Variants in ZNF709 observed in about 807,000 individuals in gnomAD.
ZNF709 encodes the protein zinc finger protein 709.
ZNF709 carries 15 observed loss-of-function variants against 10.6 expected under a neutral mutation model. The ratio of observed to expected loss-of-function variants is 1.41; its 90% CI spans 0.95 to 2.18. ZNF709 has a LOEUF of 2.18. Among genes scored for constraint, ZNF709 ranks in the 30% most tolerant of loss-of-function variants. The pLI, the probability that ZNF709 is intolerant of heterozygous loss-of-function variation, is 0.00. For missense variants in ZNF709, 589 were observed against 774.0 expected (o/e 0.76, Z 2.84); for synonymous variants, 194 against 238.8 (o/e 0.81, Z 1.73).
intron 1 of ZNF709, among the ~76,000 whole-genome samples, chr19:12,473,918 T>C (rs1970655907): frequency 6.6e-6 from 1 of 152,158 alleles, no homozygotes; most frequent in Admixed American, 6.5e-5. Context: ...TGGTGGCATT[T>C]GCCTGTAGTC....
rs1195674531 is a variant in ZNF709 at position 12,481,256 on chromosome 19, A to G, written c.3+3399T>C. ...TTTCTTTTTTTTTGTTTTGAGATGGAGTCCTGCTCTGTTGCCCAGGCTGGA... is the reference window on the plus strand; with the variant it reads ...TTTCTTTTTTTTTGTTTTGAGATGGGGTCCTGCTCTGTTGCCCAGGCTGGA... On this transcript the variant is annotated intron_variant, in intron 1 of 3. Coordinates refer to ENST00000397732, the MANE Select transcript of ZNF709 (RefSeq NM_152601.4). 4 of 865,862 alleles carry G rather than the reference A, an allele frequency of 4.6e-6. No homozygotes were observed. The African/African-American group carries it at 5.5e-5, about 12-fold the overall frequency. The allele number at this position is 865,862 out of a possible 1,614,324, so 53.6% of individuals were successfully genotyped here.
intron 1 of ZNF709, among the ~76,000 whole-genome samples, chr19:12,471,533 G>C (rs1446722612): frequency 1.3e-5 from 2 of 152,178 alleles, no homozygotes; most frequent in Non-Finnish European, 1.5e-5. Context: ...CTTTTGAAGA[G>C]CAACATAAAT....
intron 1 of ZNF709, among the ~76,000 whole-genome samples, chr19:12,480,156 T>TA (rs74312590): frequency 0.03 from 4,384 of 147,808 alleles, 100 homozygotes; most frequent in Non-Finnish European, 0.045. Context: ...CCCTGTTTTT[T>TA]AAAAAAAAAA....
intron 1 of ZNF709, among the ~76,000 whole-genome samples, chr19:12,470,178 T>C (rs1397392380): frequency 6.6e-6 from 1 of 152,150 alleles, no homozygotes; most frequent in Non-Finnish European, 1.5e-5. Context: ...CACCAAAGCA[T>C]AGGAATCCCT....
intron 1 of ZNF709, among the ~76,000 whole-genome samples, chr19:12,479,207 G>T (rs751145595): frequency 6.6e-6 from 1 of 152,108 alleles, no homozygotes; most frequent in Non-Finnish European, 1.5e-5. Context: ...AGAGGCTGAG[G>T]TGGGAAGATC....
chr19:12,470,890 G>GC (rs1970629311), intron 1 of ZNF709, among the ~76,000 whole-genome samples: 1 of 148,972 alleles, frequency 6.7e-6, no homozygotes, highest in Non-Finnish European at 1.5e-5. Context: ...TCATGCCACT[G>GC]CACTCCAGCC....
At position 12,465,338 on chromosome 19, in the gene ZNF709, G is replaced by A; in HGVS notation, c.584C>T (p.Pro195Leu). 6.2e-7 allele frequency: 1 copy of A among 1,613,090 alleles called. No homozygotes were observed. Among genetic ancestry groups the A allele is most frequent in the East Asian group, 2.2e-5 (1 of 44,872 alleles). The change falls in exon 4 of 4, where the codon CCT becomes CTT. Residue 195 changes from proline (P) to leucine (L), a missense_variant. Around this residue, in one of 2 missense-constraint regions of ZNF709, gnomAD observed 418 missense variants for 496.3 expected, o/e 0.84. Coordinates refer to ENST00000397732, the MANE Select transcript of ZNF709 (RefSeq NM_152601.4). ...IHERTHTGEKPYECKECGKAF... is the reference protein window; with the variant it reads ...IHERTHTGEKLYECKECGKAF... ...CTTCCCACATTCCTTACATTCATAA[G>A]GTTTCTCTCCAGTATGAGTTCTTTC...
chr19:12,463,706 C>T lies in ZNF709; in HGVS notation c.*290G>A, dbSNP rs193141246. 224 of 223,102 alleles carry T rather than the reference C, an allele frequency of 1.0e-3. No individual in the cohort carries two copies. Among genetic ancestry groups the T allele is most frequent in the African/African-American group, 4.7e-3 (207 of 44,350 alleles). 13.8% of individuals were successfully genotyped at this position (223,102 alleles called of 1,614,324 possible). A position where few individuals can be genotyped will look rare whatever the true frequency, so the allele number is the denominator to read the frequency against. ...CTTTGGGAGGCCAAGGCAGGTGGATCGTCTGAGGTCAGGAGTTCGAGACCA... is the reference window on the plus strand; with the variant it reads ...CTTTGGGAGGCCAAGGCAGGTGGATTGTCTGAGGTCAGGAGTTCGAGACCA... On this transcript the variant is annotated 3_prime_UTR_variant, in exon 4 of 4. Transcript: ENST00000397732.
At chr19:12,471,406 TAG>T (rs543200770) in intron 1 of ZNF709, among the ~76,000 whole-genome samples, 15 of 152,258 alleles carry the variant, frequency 9.9e-5, no homozygotes, top group East Asian at 1.9e-4. Context: ...ATCCCTAAAA[TAG>T]ACTTATAAAA....
intron 1 of ZNF709, among the ~76,000 whole-genome samples, chr19:12,470,036 A>C (rs982069198): frequency 6.6e-6 from 1 of 152,180 alleles, no homozygotes; most frequent in Admixed American, 6.5e-5. Flanking sequence ...CTGTCCTCCA[A>C]AAGGATATGA....
intron 1 of ZNF709, among the ~76,000 whole-genome samples, chr19:12,475,721 G>GGAGGA (rs1181885285): frequency 2.0e-5 from 3 of 152,126 alleles, no homozygotes; most frequent in Admixed American, 6.5e-5. Flanking sequence ...AGAGGAGAGG[G>GGAGGA]GAGGAGAGGA....
chr19:12,481,541 G>A (rs1970727086), intron 1 of ZNF709, among the ~76,000 whole-genome samples: 1 of 152,030 alleles, frequency 6.6e-6, no homozygotes, highest in Non-Finnish European at 1.5e-5. Flanking sequence ...CACCCGGCCT[G>A]GTTTCAGAAT....
At position 12,465,490 on chromosome 19, in the gene ZNF709, T is replaced by C. The variant is rs1478744548; in HGVS notation, c.432A>G (p.Glu144=). The change falls in exon 4 of 4, where the codon GAA becomes GAG. Residue 144 remains glutamate, a synonymous_variant. Transcript: ENST00000397732. The stretch of plus-strand genomic sequence containing the variant: ...TTCGAAAGCTGAATCTTTTCCCACA[T>C]TCCTTACATTCATATGATTTCTCTC... ...KYGEKSYECK[E]CGKRFSFRSS... 1.9e-6 allele frequency: 3 copies of C among 1,609,582 alleles called. No individual in the cohort carries two copies. In the Admixed American group the frequency reaches 5.1e-5, roughly 27 times the overall value.
chr19:12,465,835 TA>T, intron 3 of ZNF709, 102 bp from the exon 4 acceptor site: 1 of 985,146 alleles, frequency 1.0e-6, no homozygotes, highest in Non-Finnish European at 1.4e-6. Context: ...GTAGTAGAAT[TA>T]CACTTTTGCC....
intron 1 of ZNF709, among the ~76,000 whole-genome samples, chr19:12,482,460 G>A (rs997998087): frequency 6.6e-6 from 1 of 152,080 alleles, no homozygotes; most frequent in Admixed American, 6.6e-5. Flanking sequence ...CCCTTCAATT[G>A]TTGTAAGTGA....
At chr19:12,466,872 G>C in intron 1 of ZNF709, 22 bp from the exon 2 acceptor site, 2 of 1,606,256 alleles carry the variant, frequency 1.2e-6, no homozygotes, top group East Asian at 2.2e-5. Flanking sequence ...CACATGTATA[G>C]GGGAGGATGG....
chr19:12,465,403 A>G lies in ZNF709; in HGVS notation c.519T>C (p.Cys173=). The G allele has an allele frequency of 6.2e-7, 1 of 1,613,802 alleles. No individual in the cohort carries two copies. ...AACTGGGCCAACTGAAAGCCTTACC[A>G]CACTGTTTACATTTATAGGGTTTCT... is the stretch of plus-strand genomic sequence containing the variant. ...TGEKPYKCKQ[C]GKAFSWPSSF... The change falls in exon 4 of 4, where the codon TGT becomes TGC. Residue 173 remains cysteine, a synonymous_variant. Transcript: ENST00000397732.
chr19:12,467,957 C>G (rs1970594588), intron 1 of ZNF709, among the ~76,000 whole-genome samples: 1 of 151,776 alleles, frequency 6.6e-6, no homozygotes, highest in African/African-American at 2.4e-5. Context: ...GCACGGCCAG[C>G]CGCCCCGTCC....
At chr19:12,484,282 G>A (rs928482179) in intron 1 of ZNF709, among the ~76,000 whole-genome samples, 6 of 152,194 alleles carry the variant, frequency 3.9e-5, no homozygotes, top group African/African-American at 1.4e-4. Flanking sequence ...AAGAGGGACT[G>A]AGGACCCCAC....
Sources: allele counts gnomAD v4.1 joint callset (sites outside exome capture counted in the v4.1 genomes callset), GRCh38; gene constraint gnomAD v4.1.1; regional missense constraint gnomAD v4.1.1; transcripts MANE v1.5; gene names NCBI Gene and HGNC (gene_info 2026-07-23, HGNC 2026-07-21).